Variants in PDE4D observed in about 807,000 individuals in gnomAD.
PDE4D encodes phosphodiesterase 4D.
PDE4D carries 24 observed loss-of-function variants against 87.4 expected under a neutral mutation model. The ratio of observed to expected loss-of-function variants is 0.27; its 90% CI spans 0.20 to 0.39. PDE4D has a LOEUF of 0.39. PDE4D is among the 10% of genes least tolerant of loss of function. The pLI, the probability that PDE4D is intolerant of heterozygous loss-of-function variation, is 1.00. For synonymous variants in PDE4D, 384 were observed against 383.2 expected (o/e 1.00, Z -0.02); for missense variants, 714 against 1,041.0 (o/e 0.69, Z 4.32).
rs114484720 is a variant in PDE4D, at chr5:58,985,279, A to G, written c.1552+3214T>C. ...ACGCAGCTTCCTGCCTGAAATTTCA[A>G]TTTCTCTAAATCCTGTTCACAGTAC... On this transcript the variant is annotated intron_variant, in intron 11 of 14. Coordinates refer to ENST00000340635, the MANE Select transcript of PDE4D (RefSeq NM_001104631.2). Among the ~76,000 whole-genome samples the G allele has an allele frequency of 2.8e-3, 426 of 152,264 alleles. 1 individual carries two copies. Among genetic ancestry groups the G allele is most frequent in the African/African-American group, 9.7e-3 (401 of 41,554 alleles).
chr5:59,219,195 T>TA lies in PDE4D; in HGVS notation c.456-3228dup, dbSNP rs11351473. On this transcript the variant is annotated intron_variant, in intron 1 of 14. Coordinates refer to ENST00000340635, the MANE Select transcript of PDE4D (RefSeq NM_001104631.2). ...TGTACCCTAAAACTTAAAGTATAAT[T>TA]AAAAAAAAAAAAGAAAAGAAAAAAA... Among the ~76,000 whole-genome samples, 53 of 140,088 alleles carry TA rather than the reference T, an allele frequency of 3.8e-4. 1 individual carries two copies. The highest frequency in any genetic ancestry group is 2.8e-3 in the East Asian group (14 of 4,936). The allele number at this position is 140,088 out of a possible 152,430, so 91.9% of individuals were successfully genotyped here.
intron 1 of PDE4D, among the ~76,000 whole-genome samples, chr5:60,305,793 G>A (rs1004575890): frequency 3.3e-5 from 5 of 150,998 alleles, no homozygotes; most frequent in African/African-American, 7.3e-5. Context: ...ATTACAATGT[G>A]TGTGTATAAA....
chr5:59,812,074 T>C (rs917533860), intron 1 of PDE4D, among the ~76,000 whole-genome samples: 3 of 152,186 alleles, frequency 2.0e-5, no homozygotes, highest in East Asian at 3.9e-4. Context: ...TTTCTGATAG[T>C]ACCATTTTGT....
chr5:60,250,642 C>T (rs1370763558), intron 1 of PDE4D, among the ~76,000 whole-genome samples: 1 of 151,848 alleles, frequency 6.6e-6, no homozygotes, highest in Non-Finnish European at 1.5e-5. Flanking sequence ...GCAATGTTGG[C>T]ATAAAAAACC....
chr5:59,558,609 G>T (rs1819397551), intron 1 of PDE4D: 1 of 152,118 alleles, frequency 6.6e-6, no homozygotes, highest in South Asian at 2.1e-4. Context: ...AAAAGTAAGG[G>T]ATTGAAGAGA....
intron 1 of PDE4D, among the ~76,000 whole-genome samples, chr5:60,410,033 A>G (rs1229828293): frequency 1.3e-5 from 2 of 152,124 alleles, no homozygotes; most frequent in African/African-American, 4.8e-5. Flanking sequence ...CATACCAAGG[A>G]CATTTGGAGG....
At chr5:59,663,486 C>G (rs1192169376) in intron 1 of PDE4D, among the ~76,000 whole-genome samples, 1 of 152,044 alleles carries the variant, frequency 6.6e-6, no homozygotes, top group East Asian at 1.9e-4. Context: ...TGATATTTTT[C>G]AAATAGAAAA....
chr5:60,078,502 C>T (rs1415455887), intron 2 of PDE4D, among the ~76,000 whole-genome samples: 1 of 151,876 alleles, frequency 6.6e-6, no homozygotes, highest in Non-Finnish European at 1.5e-5. Flanking sequence ...TGGTGGTTTT[C>T]TGCACCTATT....
At chr5:60,154,878 T>C (rs1429408663) in intron 2 of PDE4D, among the ~76,000 whole-genome samples, 1 of 152,230 alleles carries the variant, frequency 6.6e-6, no homozygotes, top group African/African-American at 2.4e-5. Flanking sequence ...AGAGATTAAT[T>C]AATCTTTTAA....
At chr5:59,379,900 G>A (rs1427707088) in intron 1 of PDE4D, among the ~76,000 whole-genome samples, 2 of 152,128 alleles carry the variant, frequency 1.3e-5, no homozygotes, top group Non-Finnish European at 2.9e-5. Flanking sequence ...ATTGCGTGAT[G>A]CTGAGGTTTG....
At chr5:59,186,665 A>G (rs1742988559) in intron 3 of PDE4D, among the ~76,000 whole-genome samples, 1 of 152,174 alleles carries the variant, frequency 6.6e-6, no homozygotes, top group Admixed American at 6.5e-5. Flanking sequence ...AAGTCAATGG[A>G]GAGCTGTGTA....
intron 1 of PDE4D, among the ~76,000 whole-genome samples, chr5:60,274,602 C>G (rs898263911): frequency 6.6e-6 from 1 of 152,138 alleles, no homozygotes; most frequent in African/African-American, 2.4e-5. Context: ...CTCAAGTGAT[C>G]CACCCGCCTC....
At chr5:59,981,454 C>T (rs1761926756) in intron 3 of PDE4D, among the ~76,000 whole-genome samples, 1 of 152,068 alleles carries the variant, frequency 6.6e-6, no homozygotes, top group Non-Finnish European at 1.5e-5. Context: ...ATTTTGTCTG[C>T]TTAGTATGCA....
intron 5 of PDE4D, among the ~76,000 whole-genome samples, chr5:59,177,464 T>C (rs1443997979): frequency 1.3e-5 from 2 of 152,146 alleles, no homozygotes; most frequent in African/African-American, 4.8e-5. Context: ...GCTGGTTCTG[T>C]GAGGCACTAT....
intron 2 of PDE4D, among the ~76,000 whole-genome samples, chr5:60,088,687 A>G (rs961562975): frequency 3.3e-5 from 5 of 151,978 alleles, no homozygotes; most frequent in African/African-American, 1.2e-4. Flanking sequence ...CCAGAAATCA[A>G]CATGTCCTAA....
At chr5:60,046,672 T>A (rs1769300627) in intron 2 of PDE4D, among the ~76,000 whole-genome samples, 1 of 152,196 alleles carries the variant, frequency 6.6e-6, no homozygotes, top group Non-Finnish European at 1.5e-5. Flanking sequence ...ATTACATTTA[T>A]TGATTTGCGT....
At chr5:59,520,270 A>T (rs1811956431) in intron 1 of PDE4D, among the ~76,000 whole-genome samples, 1 of 152,202 alleles carries the variant, frequency 6.6e-6, no homozygotes, top group South Asian at 2.1e-4. Flanking sequence ...CAAAACAAAC[A>T]AACAAACAAA....
chr5:60,405,738 A>G (rs1184440888), intron 1 of PDE4D, among the ~76,000 whole-genome samples: 2 of 152,262 alleles, frequency 1.3e-5, no homozygotes, highest in African/African-American at 4.8e-5. Context: ...CAGATACTTT[A>G]CCAAGGTTAT....
chr5:59,151,853 A>T (rs1779525245), intron 5 of PDE4D, among the ~76,000 whole-genome samples: 1 of 152,142 alleles, frequency 6.6e-6, no homozygotes, highest in Non-Finnish European at 1.5e-5. Context: ...AGAGGGAGAG[A>T]AAAGAGGAGA....
Sources: gnomAD v4.1 joint callset for allele counts (sites outside exome capture counted in the v4.1 genomes callset) on GRCh38, gnomAD v4.1.1 for gene constraint, MANE v1.5 for transcripts, NCBI Gene and HGNC (gene_info 2026-07-23, HGNC 2026-07-21) for gene names.